Variants in WWOX observed in about 807,000 individuals in gnomAD.
WWOX encodes the protein WW domain-containing oxidoreductase.
A neutral mutation model predicts 46.2 loss-of-function variants in WWOX; 69 were observed. The ratio of observed to expected loss-of-function variants is 1.49; its 90% CI spans 1.23 to 1.82. The LOEUF (loss-of-function observed/expected upper bound fraction) is 1.82, where lower values mean the gene tolerates loss of function less well. WWOX is among the 40% of genes most tolerant of loss of function. The pLI is 0.00. For missense variants in WWOX, 919 were observed against 542.6 expected (o/e 1.69, Z -6.89); for synonymous variants, 359 against 202.6 (o/e 1.77, Z -6.56).
rs199726097 is a variant in WWOX at position 78,547,127 on chromosome 16, G to GAAAAAAAA, written c.1056+114400_1056+114407dup. ...TGGGAGAGTGTGAGACCTTGTCTCA[G>GAAAAAAAA]AAAAAAAAAAAAAAAAAAAAAAAAA... On this transcript the variant is annotated intron_variant, in intron 8 of 8. Transcript: ENST00000566780. Among the ~76,000 whole-genome samples, 303 of 87,464 alleles carry GAAAAAAAA rather than the reference G, an allele frequency of 3.5e-3. 14 individuals are homozygous for GAAAAAAAA. The highest frequency in any genetic ancestry group is 8.7e-3 in the East Asian group (28 of 3,214). The allele number at this position is 87,464 out of a possible 152,430, so 57.4% of individuals were successfully genotyped here. A position where few individuals can be genotyped will look rare whatever the true frequency, so the allele number is the denominator to read the frequency against.
chr16:78,726,079 C>G (rs1015185793), intron 8 of WWOX, among the ~76,000 whole-genome samples: 3 of 141,594 alleles, frequency 2.1e-5, no homozygotes, highest in Non-Finnish European at 3.1e-5. Context: ...CCTTCCCTCC[C>G]TCCCTCTTCC....
At chr16:78,770,929 T>C (rs1211851465) in intron 8 of WWOX, among the ~76,000 whole-genome samples, 1 of 152,250 alleles carries the variant, frequency 6.6e-6, no homozygotes, top group African/African-American at 2.4e-5. Flanking sequence ...AATTATTATG[T>C]GTGCTGTTTG....
chr16:79,172,655 G>A (rs906611612), intron 8 of WWOX, among the ~76,000 whole-genome samples: 3 of 152,174 alleles, frequency 2.0e-5, no homozygotes, highest in Non-Finnish European at 4.4e-5. Flanking sequence ...GACAAACTGT[G>A]AGGTGTTTTT....
chr16:78,846,773 A>T (rs1597713571), intron 8 of WWOX, among the ~76,000 whole-genome samples: 1 of 152,122 alleles, frequency 6.6e-6, no homozygotes, highest in Non-Finnish European at 1.5e-5. Flanking sequence ...TAATTTTAGC[A>T]TCCCTCTGGG....
intron 8 of WWOX, among the ~76,000 whole-genome samples, chr16:78,767,602 G>A (rs946853976): frequency 6.6e-6 from 1 of 151,946 alleles, no homozygotes; most frequent in African/African-American, 2.4e-5. Flanking sequence ...AAATTGCTGC[G>A]TCGTTTCGTA....
At chr16:79,143,877 C>G (rs1597415116) in intron 8 of WWOX, among the ~76,000 whole-genome samples, 1 of 152,096 alleles carries the variant, frequency 6.6e-6, no homozygotes, top group South Asian at 2.1e-4. Context: ...CCATGTTATA[C>G]CCACCCATAG....
At chr16:78,493,654 T>C (rs895916957) in intron 8 of WWOX, among the ~76,000 whole-genome samples, 1 of 152,206 alleles carries the variant, frequency 6.6e-6, no homozygotes, top group Non-Finnish European at 1.5e-5. Flanking sequence ...TATGCACTTA[T>C]ATGTATAGAA....
chr16:78,718,359 C>G (rs1045125589), intron 8 of WWOX, among the ~76,000 whole-genome samples: 1 of 152,010 alleles, frequency 6.6e-6, no homozygotes, highest in African/African-American at 2.4e-5. Context: ...AAAAAAACGA[C>G]TAGCTCAGAA....
At chr16:78,279,789 A>G (rs1381828187) in intron 5 of WWOX, among the ~76,000 whole-genome samples, 1 of 152,222 alleles carries the variant, frequency 6.6e-6, no homozygotes, top group Admixed American at 6.5e-5. Context: ...GCAAAGGGAA[A>G]TAACTCTTCT....
chr16:78,994,308 A>G (rs971413439), intron 8 of WWOX: 1 of 152,182 alleles, frequency 6.6e-6, no homozygotes, highest in African/African-American at 2.4e-5. Context: ...CAGGACATAG[A>G]CGTCTGAATA....
At chr16:78,359,453 G>C (rs1444902567) in intron 5 of WWOX, among the ~76,000 whole-genome samples, 2 of 152,250 alleles carry the variant, frequency 1.3e-5, no homozygotes, top group African/African-American at 4.8e-5. Flanking sequence ...AGCACATTTA[G>C]AAAACATATA....
chr16:78,252,123 G>A (rs1350818069), intron 5 of WWOX, among the ~76,000 whole-genome samples: 1 of 152,148 alleles, frequency 6.6e-6, no homozygotes, highest in Non-Finnish European at 1.5e-5. Context: ...GCACACAGAG[G>A]TGCCCTTTGG....
At chr16:78,109,134 C>T (rs968044517) in intron 2 of WWOX, among the ~76,000 whole-genome samples, 5 of 152,060 alleles carry the variant, frequency 3.3e-5, no homozygotes, top group East Asian at 1.9e-4. Flanking sequence ...TTGGAAATTT[C>T]GTAAAGATTA....
chr16:78,235,781 T>C lies in WWOX; in HGVS notation c.516+71492T>C, dbSNP rs74027955. 4.1e-3 allele frequency among the ~76,000 whole-genome samples: 631 copies of C among 152,144 alleles called. 4 individuals are homozygous for C. Among genetic ancestry groups the C allele is most frequent in the African/African-American group, 0.014 (598 of 41,502 alleles). On this transcript the variant is annotated intron_variant, in intron 5 of 8. Transcript: ENST00000566780. ...GTCCAGACTAGATGGTCAAGGTGATTGGGGGAAGGAAGTCACAGAGCCACC... is the reference window on the plus strand; with the variant it reads ...GTCCAGACTAGATGGTCAAGGTGATCGGGGGAAGGAAGTCACAGAGCCACC...
At chr16:79,062,507 G>A (rs143854166) in intron 8 of WWOX, among the ~76,000 whole-genome samples, 18 of 152,270 alleles carry the variant, frequency 1.2e-4, no homozygotes, top group African/African-American at 4.1e-4. Flanking sequence ...ATTATCCCCT[G>A]CAGAGGAATC....
chr16:78,506,058 G>A (rs535136001), intron 8 of WWOX, among the ~76,000 whole-genome samples: 9 of 152,296 alleles, frequency 5.9e-5, no homozygotes, highest in African/African-American at 1.7e-4. Context: ...GCTGAGTATC[G>A]GATTGGTCTG....
chr16:78,822,450 C>T (rs902779667), intron 8 of WWOX, among the ~76,000 whole-genome samples: 5 of 151,442 alleles, frequency 3.3e-5, no homozygotes, highest in South Asian at 4.2e-4. Context: ...GCTGAGACTG[C>T]GCCAGTGTAC....
At chr16:78,627,690 T>G (rs1425581629) in intron 8 of WWOX, among the ~76,000 whole-genome samples, 1 of 152,156 alleles carries the variant, frequency 6.6e-6, no homozygotes, top group Non-Finnish European at 1.5e-5. Context: ...ATAAATAACT[T>G]TGATGCAAAT....
chr16:79,204,000 C>T (rs1262656428), intron 8 of WWOX: 1 of 152,012 alleles, frequency 6.6e-6, no homozygotes, highest in East Asian at 1.9e-4. Flanking sequence ...TCAAGGTGGC[C>T]CAGTTGGAAA....
Sources: allele counts gnomAD v4.1 joint callset (sites outside exome capture counted in the v4.1 genomes callset), GRCh38; gene constraint gnomAD v4.1.1; transcripts MANE v1.5; gene names NCBI Gene and HGNC (gene_info 2026-07-23, HGNC 2026-07-21).